Variants in ARSJ observed in about 807,000 individuals in gnomAD.
The protein encoded by ARSJ is arylsulfatase family member J, also known as arylsulfatase J.
ARSJ carries 26 observed loss-of-function variants against 35.9 expected under a neutral mutation model. The ratio of observed to expected loss-of-function variants is 0.72; its 90% CI spans 0.53 to 1.00. ARSJ has a LOEUF of 1.00. Among genes scored for constraint, ARSJ ranks in the 50% least tolerant of loss-of-function variants. ARSJ has a pLI of 0.00. For synonymous variants in ARSJ, 294 were observed against 267.6 expected, an observed-to-expected ratio of 1.10 and a Z score of -0.96; for missense variants, 667 against 723.6, an observed-to-expected ratio of 0.92 and a Z score of 0.90.
At chr4:113,947,776 G>T (rs1021531927) in intron 1 of ARSJ, among the ~76,000 whole-genome samples, 4 of 151,960 alleles carry the variant, frequency 2.6e-5, no homozygotes, top group Admixed American at 1.3e-4. Context: ...TGTTCATTAA[G>T]CTTGAGAAAT....
intron 1 of ARSJ, among the ~76,000 whole-genome samples, chr4:113,959,388 T>G (rs893087978): frequency 1.3e-5 from 2 of 151,768 alleles, no homozygotes; most frequent in African/African-American, 4.8e-5. Context: ...TAATAATGAG[T>G]CATCTGGCCA....
In ARSJ at chr4:113,901,120, T is replaced by A. The variant is rs993857179; in HGVS notation, c.*1154A>T. ...ATTGCCTATTAGTAAAGATTTTTAT[T>A]TTTTAGGACCAATGATACAATTTTA... On this transcript the variant is annotated 3_prime_UTR_variant, in exon 2 of 2. Transcript: ENST00000315366. 1.1e-4 allele frequency: 17 copies of A among 152,276 alleles called. No homozygotes were observed. Among genetic ancestry groups the A allele is most frequent in the Admixed American group, 2.0e-4 (3 of 15,292 alleles). The allele number at this position is 152,276 out of a possible 1,614,324, so 9.4% of individuals were successfully genotyped here.
intron 1 of ARSJ, among the ~76,000 whole-genome samples, chr4:113,923,120 C>G (rs1016177183): frequency 3.3e-5 from 5 of 152,132 alleles, no homozygotes; most frequent in Non-Finnish European, 5.9e-5. Flanking sequence ...GGGTCTCCAG[C>G]CTGCAGGCCT....
Position 113,978,967 on chromosome 4 carries a change from C to T in ARSJ, c.-133G>A. 1.1e-6 allele frequency: 1 copy of T among 932,940 alleles called. No homozygotes were observed. Among genetic ancestry groups the T allele is most frequent in the Non-Finnish European group, 1.6e-6 (1 of 630,764 alleles). 57.8% of individuals were successfully genotyped at this position (932,940 alleles called of 1,614,324 possible). A position where few individuals can be genotyped will look rare whatever the true frequency, so the allele number is the denominator to read the frequency against. ...ATCCTCCTCTCCTCTCAGCTGTCAC[C>T]ATGTCCGACAACTTTAATCTTCCAG... On this transcript the variant is annotated 5_prime_UTR_variant, in exon 1 of 2. An upstream start codon of the reference 5' UTR is lost. Coordinates refer to ENST00000315366, the MANE Select transcript of ARSJ (RefSeq NM_024590.4).
chr4:113,925,988 C>A (rs1368017458), intron 1 of ARSJ, among the ~76,000 whole-genome samples: 1 of 152,132 alleles, frequency 6.6e-6, no homozygotes, highest in Non-Finnish European at 1.5e-5. Flanking sequence ...ACCTCCATCC[C>A]TGCCACCATG....
At chr4:113,910,889 GA>G (rs1263583598) in intron 1 of ARSJ, among the ~76,000 whole-genome samples, 3 of 152,150 alleles carry the variant, frequency 2.0e-5, no homozygotes, top group African/African-American at 7.2e-5. Flanking sequence ...CTAAGTGTTA[GA>G]GTAGAGAACC....
intron 1 of ARSJ, among the ~76,000 whole-genome samples, chr4:113,967,532 C>T (rs1413043571): frequency 6.6e-6 from 1 of 152,160 alleles, no homozygotes; most frequent in East Asian, 1.9e-4. Context: ...AGGAGATCTA[C>T]AGGCTTTAAG....
chr4:113,905,826 C>A (rs975174341), intron 1 of ARSJ, among the ~76,000 whole-genome samples: 4 of 151,708 alleles, frequency 2.6e-5, no homozygotes, highest in African/African-American at 7.3e-5. Context: ...TACCACCAAG[C>A]CTGGCTAATT....
At chr4:113,931,856 C>A (rs890262703) in intron 1 of ARSJ, among the ~76,000 whole-genome samples, 1 of 151,940 alleles carries the variant, frequency 6.6e-6, no homozygotes, top group Non-Finnish European at 1.5e-5. Context: ...AATGTAAACA[C>A]AGGTGCAATG....
At chr4:113,961,954 A>T (rs978211452) in intron 1 of ARSJ, among the ~76,000 whole-genome samples, 4 of 151,502 alleles carry the variant, frequency 2.6e-5, no homozygotes, top group Non-Finnish European at 4.4e-5. Context: ...AACACTTGAT[A>T]TTTGATGCAA....
intron 1 of ARSJ, among the ~76,000 whole-genome samples, chr4:113,935,925 T>A (rs965176317): frequency 1.3e-5 from 2 of 151,990 alleles, no homozygotes; most frequent in African/African-American, 4.8e-5. Flanking sequence ...ATTTCTGGTG[T>A]ACATAATAGC....
chr4:113,943,599 G>C (rs1009596815), intron 1 of ARSJ: 1 of 152,078 alleles, frequency 6.6e-6, no homozygotes, highest in African/African-American at 2.4e-5. Flanking sequence ...AATTCAGGTA[G>C]TGATAACTGC....
At position 113,903,226 on chromosome 4, in the gene ARSJ, C is replaced by T. The variant is rs747250767; in HGVS notation, c.848G>A (p.Arg283Gln). 93 of 1,614,012 alleles carry T rather than the reference C, an allele frequency of 5.8e-5. No homozygotes were observed. Among genetic ancestry groups the T allele is most frequent in the Non-Finnish European group, 7.4e-5 (87 of 1,180,038 alleles). The change falls in exon 2 of 2, where the codon CGA becomes CAA. Residue 283 changes from arginine to glutamine, a missense_variant. By Grantham distance (43) the Arg-to-Gln change is conservative. Transcript: ENST00000315366. The stretch of plus-strand genomic sequence containing the variant: ...CCTCCTGTTTATGTTGATAATGGAT[C>T]GGTAGTGTTCGAAATACCTGCCAGG... ...QAPGRYFEHYRSIININRRRY... is the reference protein window; with the variant it reads ...QAPGRYFEHYQSIININRRRY...
Position 113,900,790 on chromosome 4 carries a change from C to G in ARSJ, c.*1484G>C, listed in dbSNP as rs2099666824. 3 of 152,176 alleles carry G rather than the reference C, an allele frequency of 2.0e-5. No homozygotes were observed. The highest frequency in any genetic ancestry group is 4.1e-4 in the South Asian group (2 of 4,828). 9.4% of individuals were successfully genotyped at this position (152,176 alleles called of 1,614,324 possible). On this transcript the variant is annotated 3_prime_UTR_variant, in exon 2 of 2. Coordinates refer to ENST00000315366, the MANE Select transcript of ARSJ (RefSeq NM_024590.4). ...ATGCTCATTGATGACCCATGATAAA[C>G]TTCATTACTGATAATACTCCTTTAA...
intron 1 of ARSJ, among the ~76,000 whole-genome samples, chr4:113,910,142 T>C (rs1157696782): frequency 1.3e-5 from 2 of 152,170 alleles, no homozygotes; most frequent in Admixed American, 6.6e-5. Flanking sequence ...TTGCCAAATC[T>C]GTTAAAAGCA....
intron 1 of ARSJ, among the ~76,000 whole-genome samples, chr4:113,913,522 T>G (rs1318677073): frequency 6.6e-6 from 1 of 152,166 alleles, no homozygotes; most frequent in Non-Finnish European, 1.5e-5. Context: ...AAATACCTAC[T>G]GACATGAATA....
Position 113,906,070 on chromosome 4 carries a change from A to C in ARSJ, c.399-2395T>G, listed in dbSNP as rs147506931. ...AATGTTTTCTAAAATTAGAAAAAAAACTAATTTTTCACACAAGTACATGAC... is the reference window on the plus strand; with the variant it reads ...AATGTTTTCTAAAATTAGAAAAAAACCTAATTTTTCACACAAGTACATGAC... On this transcript the variant is annotated intron_variant, in intron 1 of 1. Coordinates refer to ENST00000315366, the MANE Select transcript of ARSJ (RefSeq NM_024590.4). 2.8e-3 allele frequency among the ~76,000 whole-genome samples: 434 copies of C among 152,312 alleles called. 2 individuals carry two copies. The highest frequency in any genetic ancestry group is 9.8e-3 in the African/African-American group (406 of 41,568).
intron 1 of ARSJ, among the ~76,000 whole-genome samples, chr4:113,912,735 ATGTGTGTG>A (rs34936997): frequency 6.1e-5 from 9 of 147,488 alleles, no homozygotes; most frequent in African/African-American, 1.5e-4. Flanking sequence ...ATAAATGAGA[ATGTGTGTG>A]TGTGTGTGTG....
chr4:113,946,995 T>C (rs1288524807), intron 1 of ARSJ, among the ~76,000 whole-genome samples: 1 of 152,094 alleles, frequency 6.6e-6, no homozygotes, highest in Non-Finnish European at 1.5e-5. Context: ...ATCAGCAAAA[T>C]GAAGTGGTAT....
Sources: allele counts gnomAD v4.1 joint callset (sites outside exome capture counted in the v4.1 genomes callset), GRCh38; gene constraint gnomAD v4.1.1; transcripts MANE v1.5; gene names NCBI Gene and HGNC (gene_info 2026-07-23, HGNC 2026-07-21).